Variants in GRM7 observed in about 807,000 individuals in gnomAD.
The protein encoded by GRM7 is glutamate metabotropic receptor 7, also known as metabotropic glutamate receptor 7.
In GRM7, 35 loss-of-function variants were observed where a neutral mutation model predicts 84.5. The ratio of observed to expected loss-of-function variants is 0.41; its 90% confidence interval spans 0.32 to 0.55. The LOEUF is 0.55. Among genes scored for constraint, GRM7 ranks in the 20% least tolerant of loss-of-function variants. The pLI is 0.19. For missense variants in GRM7, 1,003 were observed against 1,194.6 expected (o/e 0.84, Z 2.36); for synonymous variants, 487 against 455.1 (o/e 1.07, Z -0.89).
chr3:7,481,000 A>G (rs1431144986), intron 7 of GRM7, among the ~76,000 whole-genome samples: 1 of 152,194 alleles, frequency 6.6e-6, no homozygotes, highest in Non-Finnish European at 1.5e-5. Flanking sequence ...GTAATATGAA[A>G]GTATGCAAGT....
intron 8 of GRM7, among the ~76,000 whole-genome samples, chr3:7,662,589 A>T (rs1699515619): frequency 6.6e-6 from 1 of 152,230 alleles, no homozygotes; most frequent in African/African-American, 2.4e-5. Context: ...TAAATTTCTT[A>T]GGTGTGACAA....
At chr3:7,015,482 C>T (rs1695531375) in intron 1 of GRM7, among the ~76,000 whole-genome samples, 1 of 152,182 alleles carries the variant, frequency 6.6e-6, no homozygotes, top group Non-Finnish European at 1.5e-5. Flanking sequence ...GTAAATAACG[C>T]ACTAGTCATC....
At chr3:7,190,478 A>T (rs953254473) in intron 2 of GRM7, among the ~76,000 whole-genome samples, 8 of 152,050 alleles carry the variant, frequency 5.3e-5, no homozygotes, top group Non-Finnish European at 8.8e-5. Flanking sequence ...GCTAAGGGAG[A>T]TTCTAAAGTC....
chr3:7,200,226 C>T (rs990409686), intron 2 of GRM7, among the ~76,000 whole-genome samples: 1 of 152,160 alleles, frequency 6.6e-6, no homozygotes, highest in Non-Finnish European at 1.5e-5. Context: ...ATACAAACAC[C>T]TCCCACTAGG....
rs549065845 is a variant in GRM7 at position 7,615,443 on chromosome 3, C to G, written c.2451+36086C>G. Among the ~76,000 whole-genome samples the G allele has an allele frequency of 3.3e-4, 50 of 151,900 alleles. 1 individual carries two copies. The highest frequency in any genetic ancestry group is 1.0e-3 in the African/African-American group (43 of 41,242). ...AGTCTGTTTACTCTGCCATTAAAAC[C>G]TCTACACTAAATTCTAAATTTGTTG... On this transcript the variant is annotated intron_variant, in intron 8 of 9. Transcript: ENST00000357716.
intron 1 of GRM7, among the ~76,000 whole-genome samples, chr3:7,002,334 C>A (rs997903627): frequency 6.6e-6 from 1 of 152,054 alleles, no homozygotes; most frequent in Non-Finnish European, 1.5e-5. Context: ...ACAGGATAAC[C>A]GTAGGGCTTC....
chr3:7,023,648 C>A (rs1243047347), intron 1 of GRM7, among the ~76,000 whole-genome samples: 1 of 152,146 alleles, frequency 6.6e-6, no homozygotes, highest in African/African-American at 2.4e-5. Flanking sequence ...GGAGGGTCAG[C>A]TTTCTGGGAT....
chr3:7,258,387 G>A (rs986126496), intron 2 of GRM7, among the ~76,000 whole-genome samples: 6 of 152,088 alleles, frequency 3.9e-5, no homozygotes, highest in African/African-American at 1.2e-4. Context: ...AAACCCTACG[G>A]CCTGGGGTGT....
chr3:7,341,878 T>G (rs939851899), intron 4 of GRM7, among the ~76,000 whole-genome samples: 3 of 152,112 alleles, frequency 2.0e-5, no homozygotes, highest in Non-Finnish European at 2.9e-5. Flanking sequence ...CAGTCTGAGT[T>G]CAGAACCTGG....
intron 4 of GRM7, among the ~76,000 whole-genome samples, chr3:7,400,229 G>C (rs113636052): frequency 4.4e-4 from 67 of 152,270 alleles, no homozygotes; most frequent in African/African-American, 1.5e-3. Flanking sequence ...GGACATGGTA[G>C]TTTTACATTT....
At chr3:7,633,168 C>T (rs1051938666) in intron 8 of GRM7, among the ~76,000 whole-genome samples, 1 of 152,188 alleles carries the variant, frequency 6.6e-6, no homozygotes, top group Admixed American at 6.5e-5. Context: ...AGGACAAAAA[C>T]GTGAATTTGT....
chr3:7,301,901 C>A (rs2125026511), intron 3 of GRM7, among the ~76,000 whole-genome samples: 1 of 152,202 alleles, frequency 6.6e-6, no homozygotes, highest in Admixed American at 6.5e-5. Context: ...ACTTCAGATA[C>A]TTTGTCAAAG....
At chr3:7,548,285 C>A (rs1266432208) in intron 7 of GRM7, among the ~76,000 whole-genome samples, 1 of 152,194 alleles carries the variant, frequency 6.6e-6, no homozygotes, top group Non-Finnish European at 1.5e-5. Flanking sequence ...CCTCCTAAGT[C>A]TCTCTCTTGC....
chr3:7,520,793 T>A (rs927202411), intron 7 of GRM7, among the ~76,000 whole-genome samples: 1 of 152,180 alleles, frequency 6.6e-6, no homozygotes, highest in African/African-American at 2.4e-5. Context: ...TCATCCAACT[T>A]GTGTATTTTC....
chr3:7,198,709 A>T (rs184070691), intron 2 of GRM7, among the ~76,000 whole-genome samples: 102 of 152,324 alleles, frequency 6.7e-4, no homozygotes, highest in African/African-American at 2.3e-3. Context: ...AATAATGTAC[A>T]CAAAGTGAAA....
chr3:7,069,386 A>G (rs532807511), intron 1 of GRM7, among the ~76,000 whole-genome samples: 1 of 152,150 alleles, frequency 6.6e-6, no homozygotes, highest in Non-Finnish European at 1.5e-5. Flanking sequence ...GAGAACCAGG[A>G]GAACAAATAC....
intron 1 of GRM7, among the ~76,000 whole-genome samples, chr3:7,074,722 CAA>C (rs753650065): frequency 6.6e-6 from 1 of 152,114 alleles, no homozygotes; most frequent in Non-Finnish European, 1.5e-5. Context: ...TGTTTTCCAG[CAA>C]AGAGTTTGAG....
intron 9 of GRM7, among the ~76,000 whole-genome samples, chr3:7,735,642 C>CA (rs1702477552): frequency 6.6e-6 from 1 of 152,100 alleles, no homozygotes; most frequent in African/African-American, 2.4e-5. Context: ...AGCTCCTCCT[C>CA]AAAAAATGTA....
intron 7 of GRM7, among the ~76,000 whole-genome samples, chr3:7,498,429 G>A (rs930941539): frequency 2.6e-5 from 4 of 152,330 alleles, no homozygotes; most frequent in Admixed American, 6.5e-5. Context: ...CCTCATTCAC[G>A]ACTGTCCTTG....
Sources: allele counts gnomAD v4.1 joint callset (sites outside exome capture counted in the v4.1 genomes callset), GRCh38; gene constraint gnomAD v4.1.1; transcripts MANE v1.5; gene names NCBI Gene and HGNC (gene_info 2026-07-23, HGNC 2026-07-21).